The following POTEJ variants were observed in gnomAD, a reference collection of about 807,000 sequenced individuals.
The protein encoded by POTEJ is POTE ankyrin domain family member J.
In POTEJ, 11 loss-of-function variants were observed where a neutral mutation model predicts 69.0. The observed-to-expected ratio is 0.16, with a 90% CI of 0.10 to 0.26. The LOEUF is 0.26. POTEJ is among the 10% of genes least tolerant of loss of function. The probability of loss-of-function intolerance (pLI) is 1.00; values close to 1 mark genes in which losing one functional copy is unlikely to be tolerated. For missense variants in POTEJ, 327 were observed against 1,045.5 expected (o/e 0.31, Z 9.48); for synonymous variants, 117 against 381.1 (o/e 0.31, Z 8.07).
chr2:130,649,638 T>C (rs1686731377), intron 13 of POTEJ, among the ~76,000 whole-genome samples: 1 of 152,194 alleles, frequency 6.6e-6, no homozygotes, highest in Non-Finnish European at 1.5e-5. Context: ...ACTCTGAGTA[T>C]GTGGCAGAGT....
chr2:130,647,515 C>G (rs1275437111), intron 13 of POTEJ, among the ~76,000 whole-genome samples: 1 of 152,250 alleles, frequency 6.6e-6, no homozygotes, highest in Non-Finnish European at 1.5e-5. Context: ...CTGCAAAGAG[C>G]TAGTTAGTAA....
chr2:130,613,289 C>CGT (rs1685291591), intron 1 of POTEJ, among the ~76,000 whole-genome samples: 1 of 87,662 alleles, frequency 1.1e-5, no homozygotes, highest in Non-Finnish European at 2.3e-5. Context: ...TGTATATATA[C>CGT]ATATATATAC....
At chr2:130,625,347 C>A (rs1192901811) in intron 6 of POTEJ, among the ~76,000 whole-genome samples, 1 of 151,950 alleles carries the variant, frequency 6.6e-6, no homozygotes, top group African/African-American at 2.4e-5. Flanking sequence ...TGCTATAGAC[C>A]ACAAACAATT....
chr2:130,612,488 T>C lies in POTEJ; in HGVS notation c.410+546T>C, dbSNP rs1200330836. On this transcript the variant is annotated intron_variant, in intron 1 of 14. Coordinates refer to ENST00000409602, the MANE Select transcript of POTEJ (RefSeq NM_001277083.2). ...TTTCTTAAGATGTGAGCTTTTTGGC[T>C]GGGCGCGGTGGCTCATGCCTGTAAT... Among the ~76,000 whole-genome samples, 21 of 152,374 alleles carry C rather than the reference T, an allele frequency of 1.4e-4. No individual in the cohort carries two copies. In the East Asian group the frequency reaches 2.9e-3, roughly 21 times the overall value.
intron 3 of POTEJ, among the ~76,000 whole-genome samples, 179 bp from the exon 4 acceptor site, chr2:130,619,866 G>A (rs1193473474): frequency 6.6e-6 from 1 of 151,550 alleles, no homozygotes; most frequent in East Asian, 1.9e-4. Flanking sequence ...GCAGAGAAGG[G>A]GTGTTTCCAA....
intron 10 of POTEJ, among the ~76,000 whole-genome samples, chr2:130,641,835 A>C (rs1686389883): frequency 6.6e-6 from 1 of 152,220 alleles, no homozygotes; most frequent in Non-Finnish European, 1.5e-5. Flanking sequence ...TCAAAGATCC[A>C]AGAATCTGAA....
Position 130,656,627 on chromosome 2 carries a change from C to G in POTEJ, c.1867C>G (p.Leu623Val). ...GCGGGAAGAAATTGCCATGCTAAGA[C>G]TGGAGCTAGACACAATGAAACATCA... ...MLREEIAMLR[L>V]ELDTMKHQSQ... Residue 623 changes from leucine (L) to valine (V), a missense_variant, in exon 15 of 15, where the codon CTG (leucine) becomes GTG (valine). Leu to Val is a conservative substitution (Grantham distance 32). Transcript: ENST00000409602. 1 of 1,609,910 alleles carries G rather than the reference C, an allele frequency of 6.2e-7. No homozygotes were observed. The highest frequency in any genetic ancestry group is 8.5e-7 in the Non-Finnish European group (1 of 1,179,872).
chr2:130,633,052 T>C (rs1573981673), intron 9 of POTEJ, among the ~76,000 whole-genome samples: 1 of 145,630 alleles, frequency 6.9e-6, no homozygotes, highest in African/African-American at 2.6e-5. Context: ...ACGCTCCACC[T>C]TCAAGTAGAC....
chr2:130,649,485 A>G (rs1330738449), intron 13 of POTEJ, among the ~76,000 whole-genome samples: 1 of 151,598 alleles, frequency 6.6e-6, no homozygotes, highest in Non-Finnish European at 1.5e-5. Context: ...TGCAGTTTAG[A>G]TGAGTGTCAT....
intron 1 of POTEJ, among the ~76,000 whole-genome samples, chr2:130,612,383 A>G (rs1685240923): frequency 6.7e-6 from 1 of 149,224 alleles, no homozygotes; most frequent in African/African-American, 2.5e-5. Flanking sequence ...TACCCTATGT[A>G]AATACGTTCT....
chr2:130,657,425 G>C lies in POTEJ; in HGVS notation c.2665G>C (p.Glu889Gln). ...CTATGTTGCCCTGGACTTCGAGCAG[G>C]AGATGGCCATGGTGGCCTCCAGCTC... Reference protein sequence around the residue: ...LCYVALDFEQEMAMVASSSSL... With the variant: ...LCYVALDFEQQMAMVASSSSL... The change falls in exon 15 of 15, where the codon GAG becomes CAG. Residue 889 changes from glutamate (E) to glutamine (Q), a missense_variant. Transcript: ENST00000409602. 1 of 1,600,640 alleles carries C rather than the reference G, an allele frequency of 6.2e-7. No individual in the cohort carries two copies. Among genetic ancestry groups the C allele is most frequent in the East Asian group, 2.2e-5 (1 of 44,862 alleles).
rs1263911948 is a variant in POTEJ at position 130,655,039 on chromosome 2, G to A, written c.1786G>A (p.Glu596Lys). Reference protein sequence around the residue: ...QIEVVEKMNSELSLSCKKERD... With the variant: ...QIEVVEKMNSKLSLSCKKERD... Reference sequence around the variant, plus strand: ...AGAAGTGGTTGAAAAAATGAATTCTGAGGTATTTTCTTTAGTTATTTTCAA... The same window carrying A: ...AGAAGTGGTTGAAAAAATGAATTCTAAGGTATTTTCTTTAGTTATTTTCAA... Residue 596 changes from glutamate (E) to lysine (K), a missense_variant and splice_region_variant, in exon 14 of 15, where the codon GAG becomes AAG. Transcript: ENST00000409602. 1 of 756,640 alleles carries A rather than the reference G, an allele frequency of 1.3e-6. No individual in the cohort carries two copies. Among genetic ancestry groups the A allele is most frequent in the Non-Finnish European group, 2.0e-6 (1 of 492,256 alleles). 46.9% of individuals were successfully genotyped at this position (756,640 alleles called of 1,614,324 possible). A position where few individuals can be genotyped will look rare whatever the true frequency, so the allele number is the denominator to read the frequency against.
intron 10 of POTEJ, among the ~76,000 whole-genome samples, chr2:130,641,164 A>G (rs1260035480): frequency 2.0e-5 from 3 of 152,076 alleles, no homozygotes; most frequent in African/African-American, 7.3e-5. Context: ...ACCATAATGC[A>G]GATTGGATTT....
chr2:130,649,993 A>G (rs1484643232), intron 13 of POTEJ, among the ~76,000 whole-genome samples: 1 of 152,218 alleles, frequency 6.6e-6, no homozygotes, highest in African/African-American at 2.4e-5. Context: ...TAGCCCAGAG[A>G]AAATGAAGAA....
At chr2:130,649,666 AG>A (rs779872609) in intron 13 of POTEJ, among the ~76,000 whole-genome samples, 277 of 152,186 alleles carry the variant, frequency 1.8e-3, no homozygotes, top group Non-Finnish European at 3.0e-3. Flanking sequence ...AATAACTGAA[AG>A]GCAGTAAACC....
rs550636416 is a variant in POTEJ at position 130,625,320 on chromosome 2, A to G, written c.1015+1186A>G. On this transcript the variant is annotated intron_variant, in intron 6 of 14. Coordinates refer to ENST00000409602, the MANE Select transcript of POTEJ (RefSeq NM_001277083.2). ...TATAACTATCAAATGTCTTTTAGAT[A>G]GTAACCATTTTTCTAATGCTATAGA... is the stretch of plus-strand genomic sequence containing the variant. Among the ~76,000 whole-genome samples, 348 of 151,816 alleles carry G rather than the reference A, an allele frequency of 2.3e-3. 6 individuals carry two copies. The highest frequency in any genetic ancestry group is 8.2e-3 in the African/African-American group (337 of 41,046).
intron 13 of POTEJ, among the ~76,000 whole-genome samples, chr2:130,651,974 A>ACCCCC (rs376364470): frequency 1.2e-4 from 14 of 119,958 alleles, no homozygotes; most frequent in African/African-American, 5.6e-4. Flanking sequence ...AAATAAGGAT[A>ACCCCC]CCCCCCCCCA....
chr2:130,626,750 T>C (rs1685722802), intron 6 of POTEJ, among the ~76,000 whole-genome samples: 1 of 152,170 alleles, frequency 6.6e-6, no homozygotes, highest in Admixed American at 6.5e-5. Context: ...AGCATCAATG[T>C]ATTACAAGGT....
In POTEJ at chr2:130,644,620, T is replaced by A. The variant is rs879924895; in HGVS notation, c.1440+567T>A. ...TATAAAATTTAAAATACTCTTATTTTAAAATATTCTTATCTGCCTTCTTGA... is the reference window on the plus strand; with the variant it reads ...TATAAAATTTAAAATACTCTTATTTAAAAATATTCTTATCTGCCTTCTTGA... On this transcript the variant is annotated intron_variant, in intron 11 of 14. Coordinates refer to ENST00000409602, the MANE Select transcript of POTEJ (RefSeq NM_001277083.2). Among the ~76,000 whole-genome samples, 134 of 151,006 alleles carry A rather than the reference T, an allele frequency of 8.9e-4. No homozygotes were observed. The East Asian group carries it at 9.3e-3, about 10-fold the overall frequency.
Sources: allele counts gnomAD v4.1 joint callset (sites outside exome capture counted in the v4.1 genomes callset), GRCh38; gene constraint gnomAD v4.1.1; transcripts MANE v1.5; gene names NCBI Gene and HGNC (gene_info 2026-07-23, HGNC 2026-07-21).